The following FAM120B variants were observed in gnomAD, a reference collection of about 807,000 sequenced individuals.
FAM120B encodes constitutive coactivator of peroxisome proliferator-activated receptor gamma.
FAM120B carries 83 observed loss-of-function variants against 96.3 expected under a neutral mutation model. The observed-to-expected ratio is 0.86, with a 90% CI of 0.72 to 1.03. The LOEUF is 1.03. Among genes scored for constraint, FAM120B ranks in the 50% least tolerant of loss-of-function variants. The pLI, the probability that FAM120B is intolerant of heterozygous loss-of-function variation, is 0.00. For missense variants in FAM120B, 1,027 were observed against 1,121.2 expected (o/e 0.92, Z 1.20); for synonymous variants, 407 against 402.7 (o/e 1.01, Z -0.13).
intron 9 of FAM120B, among the ~76,000 whole-genome samples, chr6:170,402,730 A>G (rs1293904806): frequency 1.3e-5 from 2 of 152,200 alleles, no homozygotes; most frequent in African/African-American, 2.4e-5. Flanking sequence ...TTTGAATTTC[A>G]GGAATGATTT....
At chr6:170,384,888 C>T (rs961054834) in intron 6 of FAM120B, among the ~76,000 whole-genome samples, 1 of 152,222 alleles carries the variant, frequency 6.6e-6, no homozygotes, top group African/African-American at 2.4e-5. Context: ...CAGAGGAAGT[C>T]TATGGAGCTT....
At chr6:170,394,386 G>A (rs933456589) in intron 8 of FAM120B, among the ~76,000 whole-genome samples, 1 of 152,244 alleles carries the variant, frequency 6.6e-6, no homozygotes, top group Non-Finnish European at 1.5e-5. Flanking sequence ...CCCAGACAAG[G>A]GGGTTGGTCC....
chr6:170,403,776 G>T (rs914406448), intron 9 of FAM120B, among the ~76,000 whole-genome samples: 20 of 152,238 alleles, frequency 1.3e-4, no homozygotes, highest in African/African-American at 4.8e-4. Flanking sequence ...TTCTGTAGGA[G>T]GCCTGCCATA....
At chr6:170,313,360 A>T (rs1784708826) in intron 1 of FAM120B, among the ~76,000 whole-genome samples, 1 of 152,192 alleles carries the variant, frequency 6.6e-6, no homozygotes, top group African/African-American at 2.4e-5. Flanking sequence ...ACAACAAGCC[A>T]TGGGGGAACA....
At chr6:170,369,939 G>C (rs756417167) in intron 6 of FAM120B, among the ~76,000 whole-genome samples, 7 of 152,132 alleles carry the variant, frequency 4.6e-5, no homozygotes, top group Non-Finnish European at 1.0e-4. Context: ...TATAATGCTG[G>C]TAGATGGATT....
upstream of FAM120B, among the ~76,000 whole-genome samples, chr6:170,304,936 G>A (rs750392668): frequency 2.0e-5 from 3 of 152,182 alleles, no homozygotes; most frequent in Non-Finnish European, 4.4e-5. Flanking sequence ...TGGAGGCGCT[G>A]AGGTCTCAGA....
intron 3 of FAM120B, among the ~76,000 whole-genome samples, chr6:170,329,118 C>G (rs1785819127): frequency 6.6e-6 from 1 of 152,212 alleles, no homozygotes; most frequent in Admixed American, 6.5e-5. Context: ...TGAGTCTTAC[C>G]CTATATCCTG....
At chr6:170,393,034 C>T (rs1790554152) in intron 8 of FAM120B, among the ~76,000 whole-genome samples, 1 of 151,948 alleles carries the variant, frequency 6.6e-6, no homozygotes, top group Non-Finnish European at 1.5e-5. Context: ...GAAGTTTGCG[C>T]CGTGGCTGGG....
rs950810196 is a variant in FAM120B at position 170,370,310 on chromosome 6, T to C, written c.2283+11992T>C. 3.3e-5 allele frequency among the ~76,000 whole-genome samples: 5 copies of C among 152,226 alleles called. No individual in the cohort carries two copies. The highest frequency in any genetic ancestry group is 2.6e-4 in the Admixed American group (4 of 15,286). On this transcript the variant is annotated intron_variant, in intron 6 of 10. Coordinates refer to ENST00000476287, the MANE Select transcript of FAM120B (RefSeq NM_032448.3). This position sits in a 1 kb window ranked among gnomAD's most constrained non-coding sequence, Gnocchi z 4.3. ...AGACCTTTCTTTTCTGAGACGCAGC[T>C]ACGTCCCCGAGCTCTTTGTGGAAGA...
At chr6:170,316,321 G>A (rs563008979) in intron 1 of FAM120B, among the ~76,000 whole-genome samples, 12 of 152,258 alleles carry the variant, frequency 7.9e-5, no homozygotes, top group African/African-American at 1.7e-4. Context: ...TAGGAGAGGC[G>A]TCATTTGTTT....
chr6:170,396,635 A>AGGGCC (rs1778179372), intron 9 of FAM120B, among the ~76,000 whole-genome samples: 2 of 152,104 alleles, frequency 1.3e-5, no homozygotes, highest in Non-Finnish European at 2.9e-5. Context: ...GGCCCCACTG[A>AGGGCC]ACACGTGCAG....
chr6:170,374,836 A>C (rs1270219689), intron 6 of FAM120B, among the ~76,000 whole-genome samples: 1 of 152,208 alleles, frequency 6.6e-6, no homozygotes, highest in East Asian at 1.9e-4. Flanking sequence ...ATGTCATAGC[A>C]GCTTTACCCG....
At position 170,398,575 on chromosome 6, in the gene FAM120B, C is replaced by T. The variant is rs13203930; in HGVS notation, c.2692+2996C>T. ...GAGAAAGGTAGAACTATGTCATAAG[C>T]CTTAGGAGTGAGTGGGGAAGGTAGA... On this transcript the variant is annotated intron_variant, in intron 9 of 10. Coordinates refer to ENST00000476287, the MANE Select transcript of FAM120B (RefSeq NM_032448.3). 7.4e-3 allele frequency among the ~76,000 whole-genome samples: 745 copies of T among 100,826 alleles called. 14 individuals carry two copies. The highest frequency in any genetic ancestry group is 9.8e-3 in the African/African-American group (224 of 22,950). 66.1% of individuals were successfully genotyped at this position (100,826 alleles called of 152,430 possible). A position where few individuals can be genotyped will look rare whatever the true frequency, so the allele number is the denominator to read the frequency against.
In FAM120B at chr6:170,318,959, T is replaced by A. The variant is rs755274898; in HGVS notation, c.1569T>A (p.Cys523Ter). The change falls in exon 2 of 11, where the codon TGT becomes TGA. Residue 523 changes from cysteine (C) to a stop codon, truncating the protein, a stop_gained. Coordinates refer to ENST00000476287, the MANE Select transcript of FAM120B (RefSeq NM_032448.3). LOFTEE classifies it high-confidence loss of function. ...TATCCAAGCAAGAAGACTCCATGTG[T>A]ACACACGCTGAAATCAATCAAAAAT... ...DPISKQEDSM[C>*]THAEINQKLP... 6.2e-7 allele frequency: 1 copy of A among 1,614,226 alleles called. No homozygotes were observed. Among genetic ancestry groups the A allele is most frequent in the East Asian group, 2.2e-5 (1 of 44,890 alleles).
chr6:170,387,677 A>T (rs546402539), intron 6 of FAM120B, among the ~76,000 whole-genome samples: 1 of 152,356 alleles, frequency 6.6e-6, no homozygotes, highest in Admixed American at 6.5e-5. Context: ...AAAGATTATC[A>T]GCCTATCAAC....
intron 6 of FAM120B, among the ~76,000 whole-genome samples, chr6:170,378,246 C>G (rs144021672): frequency 6.6e-6 from 1 of 152,166 alleles, no homozygotes; most frequent in Admixed American, 6.5e-5. Flanking sequence ...CCCAGAATAG[C>G]TGTAGCACAT....
At chr6:170,384,072 C>G (rs1035664779) in intron 6 of FAM120B, among the ~76,000 whole-genome samples, 1 of 152,214 alleles carries the variant, frequency 6.6e-6, no homozygotes, top group Non-Finnish European at 1.5e-5. Flanking sequence ...ATTTATGTTA[C>G]ATTCTGAAAA....
chr6:170,389,118 C>G (rs750448635), intron 7 of FAM120B, among the ~76,000 whole-genome samples: 1 of 152,012 alleles, frequency 6.6e-6, no homozygotes, highest in African/African-American at 2.4e-5. Context: ...GAAGAAGATT[C>G]GAGTGTAAGT....
intron 3 of FAM120B, among the ~76,000 whole-genome samples, chr6:170,328,761 T>C (rs1291504385): frequency 2.6e-5 from 4 of 152,248 alleles, no homozygotes; most frequent in Admixed American, 2.6e-4. Context: ...GACTTCCTCC[T>C]ACAGGGTCCA....
Sources: gnomAD v4.1 joint callset for allele counts (sites outside exome capture counted in the v4.1 genomes callset) on GRCh38, gnomAD v4.1.1 for gene constraint, Gnocchi (gnomAD v3.1) non-coding constraint, MANE v1.5 for transcripts, NCBI Gene and HGNC (gene_info 2026-07-23, HGNC 2026-07-21) for gene names.